Variants in NALF1 observed in about 807,000 individuals in gnomAD.
NALF1 encodes the protein family with sequence similarity 155 member A.
NALF1 carries 3 observed loss-of-function variants against 48.4 expected under a neutral mutation model. The observed-to-expected ratio is 0.06, with a 90% CI of 0.03 to 0.16. NALF1 has a LOEUF of 0.16. Ranked by LOEUF, NALF1 falls within the 10% of genes least tolerant of loss-of-function variation. The pLI, the probability that NALF1 is intolerant of heterozygous loss-of-function variation, is 1.00. For missense variants in NALF1, 526 were observed against 571.5 expected, an observed-to-expected ratio of 0.92 and a Z score of 0.81; for synonymous variants, 262 against 245.7, an observed-to-expected ratio of 1.07 and a Z score of -0.62.
chr13:107,268,286 C>T (rs1306032353), intron 1 of NALF1, among the ~76,000 whole-genome samples: 1 of 152,028 alleles, frequency 6.6e-6, no homozygotes, highest in African/African-American at 2.4e-5. Context: ...CCGCACCCAG[C>T]CTATTTCTGG....
chr13:107,591,242 C>T (rs1479932979), intron 1 of NALF1, among the ~76,000 whole-genome samples: 2 of 151,868 alleles, frequency 1.3e-5, no homozygotes, highest in Non-Finnish European at 2.9e-5. Flanking sequence ...TGGAAATATT[C>T]CAGAGACCTC....
chr13:107,846,154 C>T (rs1880166274), intron 1 of NALF1, among the ~76,000 whole-genome samples: 1 of 152,084 alleles, frequency 6.6e-6, no homozygotes, highest in Non-Finnish European at 1.5e-5. Flanking sequence ...GGTGACTTGA[C>T]TTGCTTCAGT....
intron 1 of NALF1, among the ~76,000 whole-genome samples, chr13:107,354,331 G>A (rs908931024): frequency 6.6e-6 from 1 of 152,052 alleles, no homozygotes; most frequent in Non-Finnish European, 1.5e-5. Flanking sequence ...GGCCATGCAG[G>A]AGGAAAGGGT....
At position 107,231,715 on chromosome 13, in the gene NALF1, C is replaced by G. The variant is rs1214532874; in HGVS notation, c.916-20960G>C. 2.6e-5 allele frequency among the ~76,000 whole-genome samples: 4 copies of G among 152,182 alleles called. No homozygotes were observed. The East Asian group carries it at 7.7e-4, about 29-fold the overall frequency. Reference sequence around the variant, plus strand: ...TGGAGAACTATTAATTGTTTTGTGACTTGGAATATCAAAACTGATTTGCGC... The same window carrying G: ...TGGAGAACTATTAATTGTTTTGTGAGTTGGAATATCAAAACTGATTTGCGC... On this transcript the variant is annotated intron_variant, in intron 1 of 2. Transcript: ENST00000375915.
intron 1 of NALF1, among the ~76,000 whole-genome samples, chr13:107,518,353 T>C (rs541068143): frequency 6.6e-6 from 1 of 152,290 alleles, no homozygotes; most frequent in Non-Finnish European, 1.5e-5. Flanking sequence ...CTAAACAGAC[T>C]CAGCTGTTGG....
intron 1 of NALF1, among the ~76,000 whole-genome samples, chr13:107,520,160 T>C (rs539109089): frequency 1.3e-5 from 2 of 152,304 alleles, no homozygotes; most frequent in African/African-American, 4.8e-5. Context: ...AACATTGTTT[T>C]TGGGGGTTCA....
At chr13:107,325,142 ATAT>A (rs1259077658) in intron 1 of NALF1, among the ~76,000 whole-genome samples, 2 of 152,326 alleles carry the variant, frequency 1.3e-5, no homozygotes, top group East Asian at 3.9e-4. Flanking sequence ...TCACGTCCTA[ATAT>A]TATTAGGACA....
chr13:107,751,784 C>A (rs1312245075), intron 1 of NALF1, among the ~76,000 whole-genome samples: 1 of 152,078 alleles, frequency 6.6e-6, no homozygotes, highest in Non-Finnish European at 1.5e-5. Flanking sequence ...AATAGACTTA[C>A]AAGAAACCCA....
intron 2 of NALF1, among the ~76,000 whole-genome samples, chr13:107,201,808 A>G (rs1879527009): frequency 6.6e-6 from 1 of 152,208 alleles, no homozygotes; most frequent in South Asian, 2.1e-4. Context: ...GACAAGCCCA[A>G]AAAGACATCT....
chr13:107,556,437 T>C (rs914028486), intron 1 of NALF1, among the ~76,000 whole-genome samples: 3 of 151,908 alleles, frequency 2.0e-5, no homozygotes, highest in Admixed American at 6.6e-5. Flanking sequence ...ACTCGAGAAC[T>C]TGAGGCCTTG....
At chr13:107,311,294 C>T (rs1882040359) in intron 1 of NALF1, among the ~76,000 whole-genome samples, 1 of 152,072 alleles carries the variant, frequency 6.6e-6, no homozygotes, top group African/African-American at 2.4e-5. Flanking sequence ...AACATATTTA[C>T]CATTAAGTTT....
At chr13:107,222,792 T>G (rs80007029) in intron 1 of NALF1, among the ~76,000 whole-genome samples, 2,238 of 152,294 alleles carry the variant, frequency 0.015, 49 homozygotes, top group African/African-American at 0.051. Flanking sequence ...CAGTGAACTC[T>G]CCGCAGGAGG....
At chr13:107,522,927 T>C (rs1359555861) in intron 1 of NALF1, among the ~76,000 whole-genome samples, 1 of 152,008 alleles carries the variant, frequency 6.6e-6, no homozygotes, top group African/African-American at 2.4e-5. Flanking sequence ...CCCTCCAGAT[T>C]CTTTGAAAGG....
intron 1 of NALF1, among the ~76,000 whole-genome samples, chr13:107,746,743 A>G (rs1876791673): frequency 2.0e-5 from 3 of 152,212 alleles, no homozygotes; most frequent in Non-Finnish European, 4.4e-5. Flanking sequence ...ACTATAAATC[A>G]GTGCACATAT....
chr13:107,269,829 G>A (rs1168966106), intron 1 of NALF1, among the ~76,000 whole-genome samples: 8 of 148,988 alleles, frequency 5.4e-5, no homozygotes, highest in Non-Finnish European at 1.0e-4. Context: ...TTTTTTGCAA[G>A]CTCCGCCTCC....
intron 1 of NALF1, among the ~76,000 whole-genome samples, chr13:107,612,621 T>G (rs1594160814): frequency 1.3e-5 from 2 of 152,198 alleles, no homozygotes; most frequent in Middle Eastern, 3.4e-3. Context: ...CAGAGAGAGC[T>G]CCTCCTCCCT....
At chr13:107,415,040 C>A (rs1016613578) in intron 1 of NALF1, among the ~76,000 whole-genome samples, 5 of 152,108 alleles carry the variant, frequency 3.3e-5, no homozygotes, top group African/African-American at 1.2e-4. Context: ...ATAATGCTTA[C>A]CTTTAAAATC....
chr13:107,854,697 A>C (rs1055184787), intron 1 of NALF1, among the ~76,000 whole-genome samples: 4 of 151,828 alleles, frequency 2.6e-5, no homozygotes, highest in Non-Finnish European at 5.9e-5. Flanking sequence ...ATGGCAAAAC[A>C]CCGTCTCTAC....
chr13:107,405,239 T>G (rs1023772826), intron 1 of NALF1, among the ~76,000 whole-genome samples: 1 of 152,072 alleles, frequency 6.6e-6, no homozygotes, highest in Non-Finnish European at 1.5e-5. Flanking sequence ...AATGAAAATA[T>G]CCAGGATTCA....
Sources: allele counts gnomAD v4.1 joint callset (sites outside exome capture counted in the v4.1 genomes callset), GRCh38; gene constraint gnomAD v4.1.1; transcripts MANE v1.5; gene names NCBI Gene and HGNC (gene_info 2026-07-23, HGNC 2026-07-21).